Variants in BOD1L1 observed in about 807,000 individuals in gnomAD.
BOD1L1 encodes biorientation of chromosomes in cell division 1 like 1.
BOD1L1 carries 86 observed loss-of-function variants against 240.7 expected under a neutral mutation model. That is an observed-to-expected ratio of 0.36 (90% confidence interval 0.30 to 0.43). The LOEUF (loss-of-function observed/expected upper bound fraction) is 0.43, where lower values mean the gene tolerates loss of function less well. Ranked by LOEUF, BOD1L1 falls within the 20% of genes least tolerant of loss-of-function variation. The pLI, the probability that BOD1L1 is intolerant of heterozygous loss-of-function variation, is 1.00. For missense variants in BOD1L1, 3,554 were observed against 3,643.5 expected (o/e 0.98, Z 0.63); for synonymous variants, 1,268 against 1,272.3 (o/e 1.00, Z 0.07).
chr4:13,599,268 C>T lies in BOD1L1; in HGVS notation c.7632G>A (p.Gly2544=). ...IKADDMPPVQ[G]TVAEHSFLPA... Reference sequence around the variant, plus strand: ...GAAGAAAGGAATGCTCAGCCACGGTCCCTTGAACAGGTGGCATGTCATCAG... The same window carrying T: ...GAAGAAAGGAATGCTCAGCCACGGTTCCTTGAACAGGTGGCATGTCATCAG... The change falls in exon 10 of 26, where the codon GGG becomes GGA. Residue 2544 remains glycine (G), a synonymous_variant. Transcript: ENST00000040738. 1.2e-6 allele frequency: 2 copies of T among 1,613,694 alleles called. No homozygotes were observed. The highest frequency in any genetic ancestry group is 8.5e-7 in the Non-Finnish European group (1 of 1,179,720).
chr4:13,602,570 C>T lies in BOD1L1; in HGVS notation c.4330G>A (p.Val1444Ile). The change falls in exon 10 of 26, where the codon GTA (valine) becomes ATA (isoleucine). Residue 1444 changes from valine (V) to isoleucine (I), a missense_variant. By Grantham distance (29) the Val-to-Ile change is conservative (BLOSUM62 3). This residue lies in a region of BOD1L1 where 3,393 missense variants were observed against 3,427.1 expected (regional missense o/e 0.99). Coordinates refer to ENST00000040738, the MANE Select transcript of BOD1L1 (RefSeq NM_148894.3). ...GCATATTTTTCTGTATTCAGGCCTACAACATGATCAACAGCAATGCCATCC... is the reference window on the plus strand; with the variant it reads ...GCATATTTTTCTGTATTCAGGCCTATAACATGATCAACAGCAATGCCATCC... ...KKDGIAVDHV[V>I]GLNTEKYAET... 6.2e-7 allele frequency: 1 copy of T among 1,614,016 alleles called. No individual in the cohort carries two copies. The highest frequency in any genetic ancestry group is 8.5e-7 in the Non-Finnish European group (1 of 1,179,896).
chr4:13,604,313 T>C lies in BOD1L1; in HGVS notation c.2587A>G (p.Thr863Ala). The change falls in exon 10 of 26, where the codon ACA becomes GCA. Residue 863 changes from threonine to alanine, a missense_variant. By Grantham distance (58) the Thr-to-Ala change is moderately conservative. Around this residue, in one of 2 missense-constraint regions of BOD1L1, gnomAD observed 3,393 missense variants for 3,427.1 expected, o/e 0.99. Coordinates refer to ENST00000040738, the MANE Select transcript of BOD1L1 (RefSeq NM_148894.3). ...DSLGSKQHGITLQRRSESYSE... is the reference protein window; with the variant it reads ...DSLGSKQHGIALQRRSESYSE... ...TAACTTTCACTTCTTCTCTGTAATG[T>C]GATACCATGTTGCTTGGAACCCAGA... 6.3e-7 allele frequency: 1 copy of C among 1,596,492 alleles called. No individual in the cohort carries two copies. The highest frequency in any genetic ancestry group is 8.5e-7 in the Non-Finnish European group (1 of 1,174,998).
At position 13,600,641 on chromosome 4, in the gene BOD1L1, C is replaced by A; in HGVS notation, c.6259G>T (p.Ala2087Ser). 1.2e-6 allele frequency: 2 copies of A among 1,613,876 alleles called. No individual in the cohort carries two copies. The highest frequency in any genetic ancestry group is 1.7e-6 in the Non-Finnish European group (2 of 1,179,846). The part of the protein sequence containing the change: ...TTNDYTPQVS[A>S]ITDVEGGLSD... ...AGACCTCCTTCCACATCTGTAATTG[C>A]GCTTACCTGAGGGGTGTAATCATTT... is the stretch of plus-strand genomic sequence containing the variant. The change falls in exon 10 of 26, where the codon GCA becomes TCA. Residue 2087 changes from alanine (A) to serine (S), a missense_variant. Physicochemically the swap from Ala to Ser is moderately conservative, Grantham distance 99 (BLOSUM62 1). Around this residue, in one of 2 missense-constraint regions of BOD1L1, gnomAD observed 3,393 missense variants for 3,427.1 expected, o/e 0.99. Coordinates refer to ENST00000040738, the MANE Select transcript of BOD1L1 (RefSeq NM_148894.3).
rs1398648812 is a variant in BOD1L1, at chr4:13,599,327, A to G, written c.7573T>C (p.Tyr2525His). Residue 2525 changes from tyrosine to histidine, a missense_variant, in exon 10 of 26, where the codon TAT (tyrosine) becomes CAT (histidine). Transcript: ENST00000040738. ...GCACCGGTGTTTACTGCTGCCAAAT[A>G]GCGAATGCTGACAGAGGGATCCTTA... is the stretch of plus-strand genomic sequence containing the variant. ...TAKDPSVSIR[Y>H]LAAVNTGAIK... 1.9e-6 allele frequency: 3 copies of G among 1,613,482 alleles called. No individual in the cohort carries two copies. Among genetic ancestry groups the G allele is most frequent in the Non-Finnish European group, 2.5e-6 (3 of 1,179,870 alleles).
intron 9 of BOD1L1, among the ~76,000 whole-genome samples, chr4:13,606,404 G>A (rs1310035102): frequency 6.6e-6 from 1 of 152,040 alleles, no homozygotes; most frequent in Non-Finnish European, 1.5e-5. Context: ...CACTAACATT[G>A]CTTTTTCCCT....
At position 13,600,351 on chromosome 4, in the gene BOD1L1, G is replaced by A. The variant is rs1715022274; in HGVS notation, c.6549C>T (p.Val2183=). 6.2e-7 allele frequency: 1 copy of A among 1,614,040 alleles called. No individual in the cohort carries two copies. The change falls in exon 10 of 26, where the codon GTC becomes GTT. Residue 2183 remains valine (V), a synonymous_variant. Coordinates refer to ENST00000040738, the MANE Select transcript of BOD1L1 (RefSeq NM_148894.3). ...AAVEERATGP[V]LISTADFEGP... ...CCTCAAAGTCGGCGGTGCTTATCAAGACTGGACCTGTAGCCCTTTCTTCCA... is the reference window on the plus strand; with the variant it reads ...CCTCAAAGTCGGCGGTGCTTATCAAAACTGGACCTGTAGCCCTTTCTTCCA...
rs1189772441 is a variant in BOD1L1, at chr4:13,603,220, C to T, written c.3680G>A (p.Gly1227Glu). ...NPGEKEPIHR[G>E]TTEVNIDSET... Reference sequence around the variant, plus strand: ...AGAATCTATATTCACTTCAGTAGTTCCTCTATGAATGGGTTCTTTCTCCCC... The same window carrying T: ...AGAATCTATATTCACTTCAGTAGTTTCTCTATGAATGGGTTCTTTCTCCCC... Residue 1227 changes from glycine to glutamate, a missense_variant, in exon 10 of 26, where the codon GGA (glycine) becomes GAA (glutamate). Transcript: ENST00000040738. 8.1e-6 allele frequency: 13 copies of T among 1,613,806 alleles called. No homozygotes were observed. Among genetic ancestry groups the T allele is most frequent in the Non-Finnish European group, 1.1e-5 (13 of 1,179,870 alleles).
intron 17 of BOD1L1, among the ~76,000 whole-genome samples, chr4:13,584,783 T>C (rs1713540603): frequency 6.6e-6 from 1 of 152,202 alleles, no homozygotes; most frequent in South Asian, 2.1e-4. Flanking sequence ...TTGGTCTTAC[T>C]ATACACATTT....
Position 13,602,945 on chromosome 4 carries a change from G to A in BOD1L1, c.3955C>T (p.Pro1319Ser), listed in dbSNP as rs140271450. 46 of 1,613,974 alleles carry A rather than the reference G, an allele frequency of 2.9e-5. No individual in the cohort carries two copies. The highest frequency in any genetic ancestry group is 3.3e-4 in the Middle Eastern group (2 of 6,062). Residue 1319 changes from proline (P) to serine (S), a missense_variant, in exon 10 of 26, where the codon CCT becomes TCT. By Grantham distance (74) the Pro-to-Ser change is moderately conservative (BLOSUM62 -1). Transcript: ENST00000040738. Reference sequence around the variant, plus strand: ...TTAGGGAGAGCAGAGTGATCCGCAGGGGAGGTGCTGGCTGTGCTACCTTCC... The same window carrying A: ...TTAGGGAGAGCAGAGTGATCCGCAGAGGAGGTGCTGGCTGTGCTACCTTCC... ...VLEGSTASTS[P>S]ADHSALPNQS...
At chr4:13,617,137 T>C (rs982683065) in intron 2 of BOD1L1, among the ~76,000 whole-genome samples, 5 of 149,288 alleles carry the variant, frequency 3.3e-5, no homozygotes, top group East Asian at 4.0e-4. Context: ...CCCAGCTACT[T>C]GGGAGGCTGA....
Position 13,601,261 on chromosome 4 carries a change from A to G in BOD1L1, c.5639T>C (p.Ile1880Thr). The change falls in exon 10 of 26, where the codon ATT becomes ACT. Residue 1880 changes from isoleucine (I) to threonine (T), a missense_variant. By Grantham distance (89) the Ile-to-Thr change is moderately conservative. Around this residue, in one of 2 missense-constraint regions of BOD1L1, gnomAD observed 3,393 missense variants for 3,427.1 expected, o/e 0.99. Coordinates refer to ENST00000040738, the MANE Select transcript of BOD1L1 (RefSeq NM_148894.3). ...CCCTGTACAAGTTGAAGCATGCCCA[A>G]TTTCATTTCCTCTTCCAGTACTAGT... Reference protein sequence around the residue: ...VVTSTGRGNEIGHASTCTGLG... With the variant: ...VVTSTGRGNETGHASTCTGLG... 1.2e-6 allele frequency: 2 copies of G among 1,613,578 alleles called. No homozygotes were observed. The highest frequency in any genetic ancestry group is 1.7e-6 in the Non-Finnish European group (2 of 1,179,814).
chr4:13,608,457 C>A, intron 8 of BOD1L1, 73 bp downstream of exon 8: 2 of 1,308,270 alleles, frequency 1.5e-6, no homozygotes, highest in Middle Eastern at 1.9e-4. Context: ...TCTTTACTGT[C>A]ACTTCAATTC....
intron 16 of BOD1L1, 25 bp downstream of exon 16, chr4:13,587,674 A>C: frequency 6.7e-7 from 1 of 1,494,682 alleles, no homozygotes; most frequent in Non-Finnish European, 9.1e-7. Context: ...AAAGATGTCT[A>C]AAACAGAAAC....
intron 14 of BOD1L1, 78 bp from the exon 15 acceptor site, chr4:13,588,870 G>A: frequency 2.8e-6 from 3 of 1,053,214 alleles, no homozygotes; most frequent in Non-Finnish European, 4.1e-6. Context: ...ATGTGTTAGG[G>A]GGCTGGGAGA....
chr4:13,614,960 A>G (rs1716472673), intron 3 of BOD1L1, 150 bp from the exon 4 acceptor site: 1 of 853,390 alleles, frequency 1.2e-6, no homozygotes, highest in Non-Finnish European at 1.8e-6. Context: ...TACCAGTACT[A>G]GTATATACCA....
At chr4:13,617,022 A>G (rs545001282) in intron 2 of BOD1L1, among the ~76,000 whole-genome samples, 23 of 152,256 alleles carry the variant, frequency 1.5e-4, no homozygotes, top group East Asian at 7.8e-4. Flanking sequence ...CAAGGCGGGC[A>G]GATCACAAGG....
chr4:13,581,089 G>C, intron 20 of BOD1L1, 35 bp from the exon 21 acceptor site: 1 of 1,561,344 alleles, frequency 6.4e-7, no homozygotes, highest in Non-Finnish European at 8.7e-7. Flanking sequence ...AAATCGGTTC[G>C]AAAATTTCTT....
At chr4:13,584,972 A>G (rs1713554727) in intron 17 of BOD1L1, among the ~76,000 whole-genome samples, 1 of 152,244 alleles carries the variant, frequency 6.6e-6, no homozygotes, top group Non-Finnish European at 1.5e-5. Flanking sequence ...GTAACTGAAA[A>G]TACTGTGTCT....
Position 13,604,454 on chromosome 4 carries a change from T to C in BOD1L1, c.2446A>G (p.Thr816Ala). Residue 816 changes from threonine (T) to alanine (A), a missense_variant, in exon 10 of 26, where the codon ACA (threonine) becomes GCA (alanine). By Grantham distance (58) the Thr-to-Ala change is moderately conservative. Around this residue, in one of 2 missense-constraint regions of BOD1L1, gnomAD observed 3,393 missense variants for 3,427.1 expected, o/e 0.99. Transcript: ENST00000040738. Reference sequence around the variant, plus strand: ...TTTTCTTTACGAACATTCTCATCTGTTTTTATAATATATTCAGAAACTGGC... The same window carrying C: ...TTTTCTTTACGAACATTCTCATCTGCTTTTATAATATATTCAGAAACTGGC... ...GKPVSEYIIKTDENVRKENNK... is the reference protein window; with the variant it reads ...GKPVSEYIIKADENVRKENNK... 6.4e-7 allele frequency: 1 copy of C among 1,554,000 alleles called. No homozygotes were observed. Among genetic ancestry groups the C allele is most frequent in the Middle Eastern group, 1.7e-4 (1 of 5,794 alleles).
Sources: allele counts gnomAD v4.1 joint callset (sites outside exome capture counted in the v4.1 genomes callset), GRCh38; gene constraint gnomAD v4.1.1; regional missense constraint gnomAD v4.1.1; transcripts MANE v1.5; gene names NCBI Gene and HGNC (gene_info 2026-07-23, HGNC 2026-07-21).